The following FHOD3 variants were observed in gnomAD, a reference collection of about 807,000 sequenced individuals.
The protein encoded by FHOD3 is formin homology 2 domain containing 3.
Under a neutral mutation model 173.0 loss-of-function variants are expected in FHOD3, and 90 were observed. The observed-to-expected ratio is 0.52, with a 90% CI of 0.44 to 0.62. FHOD3 has a LOEUF of 0.62. Ranked by LOEUF, FHOD3 falls within the 20% of genes least tolerant of loss-of-function variation. The pLI, the probability that FHOD3 is intolerant of heterozygous loss-of-function variation, is 0.00. For missense variants in FHOD3, 1,945 were observed against 2,034.7 expected (o/e 0.96, Z 0.85); for synonymous variants, 828 against 823.0 (o/e 1.01, Z -0.10).
At chr18:36,654,675 A>G (rs753014960) in intron 13 of FHOD3, among the ~76,000 whole-genome samples, 2 of 152,226 alleles carry the variant, frequency 1.3e-5, no homozygotes, top group Non-Finnish European at 2.9e-5. Flanking sequence ...GCACGTAGAC[A>G]GAGATGAGGC....
At chr18:36,548,944 A>G (rs2057527211) in intron 5 of FHOD3, among the ~76,000 whole-genome samples, 1 of 152,200 alleles carries the variant, frequency 6.6e-6, no homozygotes, top group African/African-American at 2.4e-5. Context: ...AAATACCTAA[A>G]ATGAAATTGT....
chr18:36,509,813 T>G (rs1462966767), intron 4 of FHOD3, among the ~76,000 whole-genome samples: 1 of 152,252 alleles, frequency 6.6e-6, no homozygotes, highest in African/African-American at 2.4e-5. Flanking sequence ...TCTGTAGTGT[T>G]TGTTCTCTGA....
chr18:36,429,537 C>T (rs2050421019), intron 3 of FHOD3, among the ~76,000 whole-genome samples: 1 of 152,162 alleles, frequency 6.6e-6, no homozygotes, highest in Non-Finnish European at 1.5e-5. Flanking sequence ...CACATGCGAA[C>T]TTCATTCCTT....
chr18:36,408,915 A>G (rs2146840171), intron 3 of FHOD3, among the ~76,000 whole-genome samples: 1 of 152,278 alleles, frequency 6.6e-6, no homozygotes, highest in South Asian at 2.1e-4. Flanking sequence ...AAGTGGTCAC[A>G]ATGGCGATAG....
chr18:36,768,045 G>A (rs1397294849), intron 27 of FHOD3, among the ~76,000 whole-genome samples: 1 of 152,118 alleles, frequency 6.6e-6, no homozygotes, highest in African/African-American at 2.4e-5. Flanking sequence ...CAGTTCCCTT[G>A]TGTTGTACTT....
chr18:36,640,491 T>C (rs1257767628), intron 10 of FHOD3, among the ~76,000 whole-genome samples: 2 of 152,184 alleles, frequency 1.3e-5, no homozygotes, highest in Admixed American at 6.5e-5. Flanking sequence ...AACTGCAATT[T>C]AAGGATTCAG....
chr18:36,621,990 A>G (rs967346646), intron 9 of FHOD3, among the ~76,000 whole-genome samples: 1 of 152,214 alleles, frequency 6.6e-6, no homozygotes, highest in Non-Finnish European at 1.5e-5. Context: ...TATACAGGCA[A>G]TGGAATATTT....
chr18:36,421,458 G>A (rs2049980492), intron 3 of FHOD3, among the ~76,000 whole-genome samples: 1 of 152,212 alleles, frequency 6.6e-6, no homozygotes. Context: ...TTTCAAGGAT[G>A]TTAAACTTTG....
At chr18:36,348,291 T>A (rs952883666) in intron 1 of FHOD3, among the ~76,000 whole-genome samples, 13 of 152,188 alleles carry the variant, frequency 8.5e-5, no homozygotes, top group African/African-American at 3.1e-4. Flanking sequence ...ATAGCTGTAT[T>A]GCAACTGACC....
intron 3 of FHOD3, among the ~76,000 whole-genome samples, chr18:36,463,031 A>G (rs533406503): frequency 6.6e-6 from 1 of 152,306 alleles, no homozygotes; most frequent in African/African-American, 2.4e-5. Context: ...AGTAATGTCT[A>G]GCAATAAATA....
intron 7 of FHOD3, among the ~76,000 whole-genome samples, chr18:36,601,186 T>G (rs2031329354): frequency 6.6e-6 from 1 of 152,194 alleles, no homozygotes; most frequent in South Asian, 2.1e-4. Flanking sequence ...AAAGAACATG[T>G]CTTTGTGCTC....
intron 14 of FHOD3, among the ~76,000 whole-genome samples, chr18:36,677,199 C>T (rs2037921142): frequency 6.6e-6 from 1 of 151,532 alleles, no homozygotes; most frequent in Non-Finnish European, 1.5e-5. Flanking sequence ...GCTTCTGTTG[C>T]CCAGGCTGGA....
chr18:36,755,074 T>C, intron 24 of FHOD3, 45 bp from the exon 25 acceptor site: 1 of 1,328,432 alleles, frequency 7.5e-7, no homozygotes, highest in Non-Finnish European at 1.0e-6. Context: ...GTAATTTTTA[T>C]TTCTTAAAAC....
chr18:36,693,210 T>G lies in FHOD3; in HGVS notation c.2023T>G (p.Tyr675Asp). The change falls in exon 17 of 29, where the codon TAC (tyrosine) becomes GAC (aspartate). Residue 675 changes from tyrosine (Y) to aspartate (D), a missense_variant and splice_region_variant. This residue lies in a region of FHOD3 where 1,099 missense variants were observed against 1,051.2 expected (regional missense o/e 1.05). Coordinates refer to ENST00000590592, the MANE Select transcript of FHOD3 (RefSeq NM_001281740.3). ...EEQRQAREER[Y>D]KYLEQLAAEE... ...AACCCTTTGGAATTTAACTTTCAGA[T>G]ACAAATACTTGGAACAGTTGGCAGC... 1 of 1,612,404 alleles carries G rather than the reference T, an allele frequency of 6.2e-7. No homozygotes were observed. Among genetic ancestry groups the G allele is most frequent in the Non-Finnish European group, 8.5e-7 (1 of 1,179,310 alleles).
intron 20 of FHOD3, among the ~76,000 whole-genome samples, chr18:36,737,400 T>A (rs1435587499): frequency 6.6e-6 from 1 of 152,350 alleles, no homozygotes; most frequent in Admixed American, 6.5e-5. Flanking sequence ...TAATTGAGTT[T>A]AAATCATGCA....
chr18:36,720,277 G>A (rs959912920), intron 19 of FHOD3, among the ~76,000 whole-genome samples: 8 of 133,040 alleles, frequency 6.0e-5, no homozygotes, highest in South Asian at 2.4e-4. Context: ...TTGCTCTGTC[G>A]CCCAGGATGG....
intron 5 of FHOD3, among the ~76,000 whole-genome samples, chr18:36,574,957 T>C (rs1324342035): frequency 6.6e-6 from 1 of 151,920 alleles, no homozygotes; most frequent in Admixed American, 6.6e-5. Context: ...GTGGTTTTCT[T>C]TTTCTTTTTT....
At chr18:36,621,298 T>G (rs762739433) in intron 9 of FHOD3, among the ~76,000 whole-genome samples, 2 of 152,228 alleles carry the variant, frequency 1.3e-5, no homozygotes, top group African/African-American at 2.4e-5. Flanking sequence ...TGAAGATTCT[T>G]CCTTGTCATA....
intron 13 of FHOD3, among the ~76,000 whole-genome samples, chr18:36,654,625 C>G (rs1157867711): frequency 6.6e-6 from 1 of 152,070 alleles, no homozygotes; most frequent in African/African-American, 2.4e-5. Context: ...CATACGCATC[C>G]CTGACAACAG....
Sources: allele counts gnomAD v4.1 joint callset (sites outside exome capture counted in the v4.1 genomes callset), GRCh38; gene constraint gnomAD v4.1.1; regional missense constraint gnomAD v4.1.1; transcripts MANE v1.5; gene names NCBI Gene and HGNC (gene_info 2026-07-23, HGNC 2026-07-21).